RPS6KA5: variants seen among roughly 807,000 people sequenced by gnomAD.
The protein encoded by RPS6KA5 is ribosomal protein S6 kinase A5.
Under a neutral mutation model 85.5 loss-of-function variants are expected in RPS6KA5, and 27 were observed. That is an observed-to-expected ratio of 0.32 (90% CI 0.23 to 0.44). RPS6KA5 has a LOEUF of 0.44. Ranked by LOEUF, RPS6KA5 falls within the 20% of genes least tolerant of loss-of-function variation. The pLI is 1.00. For synonymous variants in RPS6KA5, 334 were observed against 348.2 expected (o/e 0.96, Z 0.46); for missense variants, 811 against 980.9 (o/e 0.83, Z 2.31).
intron 12 of RPS6KA5, among the ~76,000 whole-genome samples, chr14:90,897,570 G>A (rs2034910067): frequency 6.6e-6 from 1 of 152,110 alleles, no homozygotes. Flanking sequence ...GAAAACCCAA[G>A]ATACATTACA....
Position 90,947,482 on chromosome 14 carries a change from G to C in RPS6KA5, c.463C>G (p.Gln155Glu). The C allele has an allele frequency of 6.2e-7, 1 of 1,612,424 alleles. No individual in the cohort carries two copies. Among genetic ancestry groups the C allele is most frequent in the Non-Finnish European group, 8.5e-7 (1 of 1,178,564 alleles). Residue 155 changes from glutamine to glutamate, a missense_variant, in exon 4 of 17, where the codon CAG (glutamine) becomes GAG (glutamate). Coordinates refer to ENST00000614987, the MANE Select transcript of RPS6KA5 (RefSeq NM_004755.4). ...AGCACAATCTCTCCAACATAAATCT[G>C]CACCTCATGCTCTGTGAAACGCTCT... is the stretch of plus-strand genomic sequence containing the variant. ...QRERFTEHEV[Q>E]IYVGEIVLAL...
intron 14 of RPS6KA5, among the ~76,000 whole-genome samples, chr14:90,883,786 T>C (rs2034006751): frequency 6.6e-6 from 1 of 152,214 alleles, no homozygotes; most frequent in African/African-American, 2.4e-5. Context: ...TTTGCTTTTT[T>C]TGTGTTTGTT....
intron 1 of RPS6KA5, among the ~76,000 whole-genome samples, chr14:91,013,998 C>T (rs2041372302): frequency 6.6e-6 from 1 of 152,160 alleles, no homozygotes; most frequent in Admixed American, 6.5e-5. Context: ...CATTAAAGTT[C>T]ACAATGATAA....
chr14:90,956,974 T>G (rs1375228420), intron 3 of RPS6KA5, among the ~76,000 whole-genome samples: 7 of 150,898 alleles, frequency 4.6e-5, no homozygotes, highest in Admixed American at 1.3e-4. Context: ...GTTTTTTTTT[T>G]TTTTTTTTTT....
chr14:91,060,278 C>T (rs1414144982), intron 1 of RPS6KA5, 54 bp downstream of exon 1: 5 of 1,111,574 alleles, frequency 4.5e-6, no homozygotes, highest in Admixed American at 1.0e-4. Context: ...CACCCGCGTG[C>T]CCTCAGGCGC....
intron 14 of RPS6KA5, among the ~76,000 whole-genome samples, chr14:90,877,447 T>TGC (rs1000229033): frequency 6.6e-6 from 1 of 152,190 alleles, no homozygotes; most frequent in Non-Finnish European, 1.5e-5. Context: ...ACTGATGCTG[T>TGC]GCCTCCACCT....
At chr14:90,942,046 G>A (rs560843975) in intron 5 of RPS6KA5, among the ~76,000 whole-genome samples, 230 of 152,242 alleles carry the variant, frequency 1.5e-3, no homozygotes, top group Non-Finnish European at 1.6e-3. Flanking sequence ...GCTTCATGAA[G>A]GCAGAGATCA....
At chr14:90,971,310 T>C (rs1417090261) in intron 3 of RPS6KA5, among the ~76,000 whole-genome samples, 1 of 152,000 alleles carries the variant, frequency 6.6e-6, no homozygotes, top group African/African-American at 2.4e-5. Context: ...GTGAACTCCA[T>C]CTCAAAAAGA....
intron 1 of RPS6KA5, among the ~76,000 whole-genome samples, chr14:91,008,671 CTG>C (rs1189979231): frequency 6.6e-6 from 1 of 152,154 alleles, no homozygotes; most frequent in Non-Finnish European, 1.5e-5. Context: ...AATAAAAAGA[CTG>C]TTCTAACTAG....
At chr14:90,946,103 A>G (rs2037855620) in intron 4 of RPS6KA5, among the ~76,000 whole-genome samples, 1 of 152,198 alleles carries the variant, frequency 6.6e-6, no homozygotes, top group Admixed American at 6.5e-5. Flanking sequence ...TCTTTGCAGC[A>G]TATTCTTGGG....
intron 3 of RPS6KA5, among the ~76,000 whole-genome samples, chr14:90,950,511 A>G (rs2140379818): frequency 6.6e-6 from 1 of 152,346 alleles, no homozygotes; most frequent in Non-Finnish European, 1.5e-5. Flanking sequence ...ATTAAGCATT[A>G]TGTTGGCTCT....
intron 3 of RPS6KA5, among the ~76,000 whole-genome samples, chr14:90,953,132 G>T (rs1477052857): frequency 6.6e-6 from 1 of 152,112 alleles, no homozygotes; most frequent in African/African-American, 2.4e-5. Context: ...CCGAATGGAG[G>T]GACCAGCTGG....
At chr14:90,933,966 C>CTA (rs1479449718) in intron 5 of RPS6KA5, among the ~76,000 whole-genome samples, 2 of 152,220 alleles carry the variant, frequency 1.3e-5, no homozygotes, top group Non-Finnish European at 2.9e-5. Context: ...CTTCATGTCT[C>CTA]TACTGCACTA....
At chr14:90,906,688 T>C (rs535609843) in intron 7 of RPS6KA5, among the ~76,000 whole-genome samples, 14 of 152,194 alleles carry the variant, frequency 9.2e-5, no homozygotes, top group East Asian at 1.9e-4. Context: ...GGTAAGGGAA[T>C]TGAGCACTCA....
chr14:90,879,897 C>T (rs1424285258), intron 14 of RPS6KA5, among the ~76,000 whole-genome samples: 1 of 151,578 alleles, frequency 6.6e-6, no homozygotes, highest in Non-Finnish European at 1.5e-5. Context: ...AATTCTCCTG[C>T]CTCACTCTCT....
intron 1 of RPS6KA5, among the ~76,000 whole-genome samples, chr14:91,038,722 C>A (rs2042492031): frequency 6.6e-6 from 1 of 152,198 alleles, no homozygotes; most frequent in Non-Finnish European, 1.5e-5. Context: ...TAAAATATAT[C>A]CAGCTGCTGC....
intron 1 of RPS6KA5, among the ~76,000 whole-genome samples, chr14:91,019,741 A>G (rs1290508046): frequency 6.6e-6 from 1 of 152,234 alleles, no homozygotes; most frequent in East Asian, 1.9e-4. Flanking sequence ...GCTCCCACTC[A>G]GCCAGACATT....
chr14:90,922,380 C>T (rs1334461760), intron 6 of RPS6KA5, among the ~76,000 whole-genome samples: 5 of 152,218 alleles, frequency 3.3e-5, no homozygotes, highest in African/African-American at 1.2e-4. Flanking sequence ...GTTTTACATG[C>T]CGTGACCCTT....
intron 1 of RPS6KA5, among the ~76,000 whole-genome samples, chr14:91,032,249 G>C (rs1166142962): frequency 6.6e-6 from 1 of 152,232 alleles, no homozygotes; most frequent in East Asian, 1.9e-4. Context: ...TTTTGTGAAT[G>C]TGAATAATCA....
Sources: allele counts gnomAD v4.1 joint callset (sites outside exome capture counted in the v4.1 genomes callset), GRCh38; gene constraint gnomAD v4.1.1; transcripts MANE v1.5; gene names NCBI Gene and HGNC (gene_info 2026-07-23, HGNC 2026-07-21).